The following CLVS1 variants were observed in gnomAD, a reference collection of about 807,000 sequenced individuals.
CLVS1 encodes the protein clavesin-1.
CLVS1 carries 10 observed loss-of-function variants against 33.1 expected under a neutral mutation model. The ratio of observed to expected loss-of-function variants is 0.30; its 90% CI spans 0.19 to 0.51. The LOEUF (loss-of-function observed/expected upper bound fraction) is 0.51, where lower values mean the gene tolerates loss of function less well. Among genes scored for constraint, CLVS1 ranks in the 20% least tolerant of loss-of-function variants. CLVS1 has a pLI of 0.97. For synonymous variants in CLVS1, 163 were observed against 166.1 expected, an observed-to-expected ratio of 0.98 and a Z score of 0.14; for missense variants, 343 against 433.4, an observed-to-expected ratio of 0.79 and a Z score of 1.85.
chr8:61,323,197 A>C (rs1811262226), intron 2 of CLVS1, among the ~76,000 whole-genome samples: 1 of 152,142 alleles, frequency 6.6e-6, no homozygotes. Context: ...CTCAGCTGGA[A>C]TAGGTGGGAT....
intron 2 of CLVS1, among the ~76,000 whole-genome samples, chr8:61,157,250 A>G (rs974701551): frequency 5.8e-4 from 89 of 152,172 alleles, no homozygotes; most frequent in African/African-American, 2.0e-3. Context: ...ACACATAGGC[A>G]ATTAAATGAT....
At chr8:61,254,217 G>A (rs12545831) in intron 2 of CLVS1, among the ~76,000 whole-genome samples, 52,081 of 151,856 alleles carry the variant, frequency 0.34, 9,383 homozygotes, top group Admixed American at 0.39. Context: ...TATCAGCAGC[G>A]GTGGCTGCAG....
intron 2 of CLVS1, among the ~76,000 whole-genome samples, chr8:61,321,783 T>A (rs1157044266): frequency 6.6e-6 from 1 of 152,154 alleles, no homozygotes; most frequent in Admixed American, 6.5e-5. Context: ...TATTTTCTCT[T>A]GTTTCTTATA....
At chr8:61,264,171 G>A (rs998329229) in intron 2 of CLVS1, among the ~76,000 whole-genome samples, 5 of 152,050 alleles carry the variant, frequency 3.3e-5, no homozygotes, top group African/African-American at 1.2e-4. Flanking sequence ...GCTGGTTGCA[G>A]ATCTTGTCTT....
chr8:61,161,021 C>T (rs576435733), intron 2 of CLVS1, among the ~76,000 whole-genome samples: 33 of 152,024 alleles, frequency 2.2e-4, no homozygotes, highest in Admixed American at 1.7e-3. Flanking sequence ...GACCAAGGAG[C>T]GGAATAGGCA....
intron 2 of CLVS1, among the ~76,000 whole-genome samples, chr8:61,171,223 A>G (rs1040734454): frequency 3.3e-5 from 5 of 152,212 alleles, no homozygotes; most frequent in African/African-American, 1.2e-4. Context: ...TGGTCAATAC[A>G]AAAATCAAGT....
At chr8:61,079,339 A>G (rs572715693) in intron 1 of CLVS1, among the ~76,000 whole-genome samples, 1 of 152,312 alleles carries the variant, frequency 6.6e-6, no homozygotes, top group South Asian at 2.1e-4. Flanking sequence ...TTTACTTTTC[A>G]TATCTCAATT....
the CLVS1 span, among the ~76,000 whole-genome samples, chr8:60,971,796 G>T: frequency 6.6e-6 from 1 of 152,122 alleles, no homozygotes; most frequent in African/African-American, 2.4e-5. Flanking sequence ...GAACTGAATC[G>T]AGAAGACAGT....
At chr8:61,100,822 G>T (rs1410635810) in intron 1 of CLVS1, among the ~76,000 whole-genome samples, 2 of 152,194 alleles carry the variant, frequency 1.3e-5, no homozygotes, top group Non-Finnish European at 2.9e-5. Context: ...ATTTAATATG[G>T]ATAGATGGTC....
rs555665172 is a variant in CLVS1 at position 61,426,781 on chromosome 8, G to A, written c.631-27360G>A. ...TTTTTATCACTACATTGACCACATG[G>A]GGTGAAGGTGAAGGATGTTGGGTTT... On this transcript the variant is annotated intron_variant, in intron 3 of 5. Transcript: ENST00000325897. Among the ~76,000 whole-genome samples the A allele has an allele frequency of 2.6e-5, 4 of 152,288 alleles. No homozygotes were observed. The East Asian group carries it at 7.7e-4, about 29-fold the overall frequency.
At chr8:61,073,074 T>C (rs1804829397) in intron 1 of CLVS1, among the ~76,000 whole-genome samples, 2 of 152,198 alleles carry the variant, frequency 1.3e-5, no homozygotes, top group South Asian at 2.1e-4. Flanking sequence ...AGCAGTATAG[T>C]GTTGGGTTTC....
chr8:61,323,286 GC>G (rs1258994174), intron 2 of CLVS1, among the ~76,000 whole-genome samples: 1 of 152,158 alleles, frequency 6.6e-6, no homozygotes, highest in Non-Finnish European at 1.5e-5. Flanking sequence ...AAAAGCAGAA[GC>G]TTTGAGGCCG....
At chr8:61,311,068 G>A (rs1478051900) in intron 2 of CLVS1, among the ~76,000 whole-genome samples, 4 of 152,164 alleles carry the variant, frequency 2.6e-5, no homozygotes, top group Non-Finnish European at 5.9e-5. Flanking sequence ...CCATAAGTGA[G>A]GTGGTTTTCC....
chr8:61,121,870 G>T (rs1263360014), intron 1 of CLVS1, among the ~76,000 whole-genome samples: 2 of 152,184 alleles, frequency 1.3e-5, no homozygotes, highest in Non-Finnish European at 2.9e-5. Context: ...ATAAAAAGCT[G>T]CATGAATGTG....
At chr8:60,989,954 T>C in the CLVS1 span, among the ~76,000 whole-genome samples, 1 of 151,576 alleles carries the variant, frequency 6.6e-6, no homozygotes. Flanking sequence ...TGAAACCCCA[T>C]CTTTACTAAA....
At chr8:61,274,015 A>G (rs2931287) in intron 2 of CLVS1, 40,645 of 153,182 alleles carry the variant, frequency 0.27, 6,577 homozygotes, top group Non-Finnish European at 0.34. Flanking sequence ...TGGCTCCTCC[A>G]ATATAAAAGT....
chr8:61,112,120 A>G (rs1482762093), intron 1 of CLVS1, among the ~76,000 whole-genome samples: 1 of 151,832 alleles, frequency 6.6e-6, no homozygotes, highest in African/African-American at 2.4e-5. Flanking sequence ...AGAAATAAGC[A>G]TGATCTGCAT....
chr8:61,447,720 A>G (rs1816807844), intron 3 of CLVS1, among the ~76,000 whole-genome samples: 1 of 152,018 alleles, frequency 6.6e-6, no homozygotes, highest in Non-Finnish European at 1.5e-5. Flanking sequence ...ACATCTTTGA[A>G]CCACATCAGA....
rs1237345093 is a variant in CLVS1 at position 61,485,182 on chromosome 8, C to T, written c.978-14273C>T. On this transcript the variant is annotated intron_variant, in intron 5 of 5. Transcript: ENST00000325897. Reference sequence around the variant, plus strand: ...AACCCACAAAATGGGAGAAAATTTTCGCAACCTACTCATCTGACAAAAGGC... The same window carrying T: ...AACCCACAAAATGGGAGAAAATTTTTGCAACCTACTCATCTGACAAAAGGC... 8.5e-5 allele frequency among the ~76,000 whole-genome samples: 13 copies of T among 152,180 alleles called. No homozygotes were observed. The South Asian group carries it at 1.5e-3, about 17-fold the overall frequency.
Sources: allele counts gnomAD v4.1 joint callset (sites outside exome capture counted in the v4.1 genomes callset), GRCh38; gene constraint gnomAD v4.1.1; transcripts MANE v1.5; gene names NCBI Gene and HGNC (gene_info 2026-07-23, HGNC 2026-07-21).